The following DLGAP4 variants were observed in gnomAD, a reference collection of about 807,000 sequenced individuals.
The protein encoded by DLGAP4 is DLG associated protein 4, also known as disks large-associated protein 4.
DLGAP4 carries 18 observed loss-of-function variants against 86.9 expected under a neutral mutation model. The observed-to-expected ratio is 0.21, with a 90% CI of 0.14 to 0.31. The LOEUF is 0.31. Ranked by LOEUF, DLGAP4 falls within the 10% of genes least tolerant of loss-of-function variation. The pLI is 1.00. For synonymous variants in DLGAP4, 548 were observed against 574.3 expected (o/e 0.95, Z 0.65); for missense variants, 1,085 against 1,362.6 (o/e 0.80, Z 3.21).
chr20:36,459,630 G>A (rs910925876), intron 7 of DLGAP4, among the ~76,000 whole-genome samples: 3 of 152,056 alleles, frequency 2.0e-5, no homozygotes, highest in Non-Finnish European at 2.9e-5. Context: ...TTTTTGAAAC[G>A]GAGTTTCGCT....
chr20:36,405,529 C>T (rs1376776448), intron 2 of DLGAP4, among the ~76,000 whole-genome samples: 1 of 152,092 alleles, frequency 6.6e-6, no homozygotes, highest in African/African-American at 2.4e-5. Context: ...CATGGGGCGC[C>T]TCGGTGGGAG....
intron 10 of DLGAP4, among the ~76,000 whole-genome samples, chr20:36,511,483 C>T (rs1600687552): frequency 6.6e-6 from 1 of 152,134 alleles, no homozygotes; most frequent in African/African-American, 2.4e-5. Flanking sequence ...GGATTACACC[C>T]ATGAGCCACT....
At chr20:36,442,959 C>T (rs565156599) in intron 6 of DLGAP4, among the ~76,000 whole-genome samples, 182 bp downstream of exon 6, 1 of 152,206 alleles carries the variant, frequency 6.6e-6, no homozygotes. Flanking sequence ...CCACTCCCTA[C>T]CCTTATTGCT....
At chr20:36,328,323 T>C (rs2065236295) in intron 1 of DLGAP4, among the ~76,000 whole-genome samples, 1 of 152,184 alleles carries the variant, frequency 6.6e-6, no homozygotes, top group Admixed American at 6.5e-5. Context: ...TGGGCATCTT[T>C]TGTGCTGAGT....
chr20:36,410,789 C>G (rs565873328), intron 2 of DLGAP4, among the ~76,000 whole-genome samples: 2 of 152,102 alleles, frequency 1.3e-5, no homozygotes, highest in Non-Finnish European at 2.9e-5. Context: ...AACCCCACCT[C>G]CAACACAGGG....
chr20:36,418,152 C>T (rs914779111), intron 2 of DLGAP4, among the ~76,000 whole-genome samples: 5 of 151,644 alleles, frequency 3.3e-5, no homozygotes, highest in African/African-American at 1.2e-4. Context: ...TCGCTCTTGC[C>T]GTCCAGGCTG....
chr20:36,407,774 C>A (rs560684223), intron 2 of DLGAP4, among the ~76,000 whole-genome samples: 2 of 152,218 alleles, frequency 1.3e-5, no homozygotes, highest in South Asian at 4.1e-4. Flanking sequence ...AACACACAAA[C>A]AGCCTGGAGG....
chr20:36,457,846 C>T (rs532021506), intron 7 of DLGAP4, among the ~76,000 whole-genome samples: 1 of 151,702 alleles, frequency 6.6e-6, no homozygotes, highest in South Asian at 2.1e-4. Context: ...CCATGTTGGC[C>T]AGGCTGGTCT....
rs554073774 is a variant in DLGAP4 at position 36,385,688 on chromosome 20, T to C, written c.-73+18413T>C. 3.9e-4 allele frequency among the ~76,000 whole-genome samples: 59 copies of C among 152,328 alleles called. 1 individual carries two copies. Among genetic ancestry groups the C allele is most frequent in the African/African-American group, 1.4e-3 (58 of 41,578 alleles). On this transcript the variant is annotated intron_variant, in intron 2 of 12. Coordinates refer to ENST00000339266, the MANE Select transcript of DLGAP4 (RefSeq NM_001365621.2). ...GCTGTTCCTCCACCAGCCTCCCTAA[T>C]GGCTCCAAGCTGCATACGCCTCATG...
intron 1 of DLGAP4, among the ~76,000 whole-genome samples, chr20:36,309,172 G>A (rs938881681): frequency 4.6e-5 from 7 of 152,098 alleles, no homozygotes; most frequent in African/African-American, 1.7e-4. Flanking sequence ...CTTAAGCATC[G>A]CTTCCAAAAG....
chr20:36,447,639 G>C (rs6019700), intron 7 of DLGAP4, among the ~76,000 whole-genome samples: 2 of 151,914 alleles, frequency 1.3e-5, no homozygotes, highest in Non-Finnish European at 2.9e-5. Flanking sequence ...CAGGCTGGTC[G>C]TGAACTTCTG....
At chr20:36,485,998 G>A (rs1170540314) in intron 7 of DLGAP4, among the ~76,000 whole-genome samples, 2 of 152,172 alleles carry the variant, frequency 1.3e-5, no homozygotes, top group Non-Finnish European at 2.9e-5. Flanking sequence ...TGTGTGTGGT[G>A]GGGCGTGATC....
intron 1 of DLGAP4, among the ~76,000 whole-genome samples, chr20:36,355,713 G>A (rs1288839258): frequency 6.6e-6 from 1 of 152,180 alleles, no homozygotes; most frequent in East Asian, 1.9e-4. Context: ...CTGTTTGCTG[G>A]TCAATGGGCA....
In DLGAP4 at chr20:36,497,246, T is replaced by C. The variant is rs2035928593; in HGVS notation, c.2010+180T>C. ...CCCATAGCCACGCCTCGCTGGTATC[T>C]GTCCACACGTGCTGCTGGTCAGCAG... On this transcript the variant is annotated intron_variant, in intron 8 of 12. Transcript: ENST00000339266. The C allele has an allele frequency of 3.0e-6, 3 of 985,310 alleles. No individual in the cohort carries two copies. The South Asian group carries it at 1.4e-4, about 46-fold the overall frequency. 61.0% of individuals were successfully genotyped at this position (985,310 alleles called of 1,614,324 possible). A position where few individuals can be genotyped will look rare whatever the true frequency, so the allele number is the denominator to read the frequency against.
At chr20:36,523,307 TTAAAAC>T (rs2037494442) in intron 10 of DLGAP4, among the ~76,000 whole-genome samples, 1 of 152,136 alleles carries the variant, frequency 6.6e-6, no homozygotes, top group African/African-American at 2.4e-5. Flanking sequence ...TGCCAGCACT[TTAAAAC>T]TAGAAGTCAT....
intron 1 of DLGAP4, among the ~76,000 whole-genome samples, chr20:36,348,645 C>A (rs1244601886): frequency 6.6e-6 from 1 of 151,964 alleles, no homozygotes; most frequent in Non-Finnish European, 1.5e-5. Context: ...TCTTGAACTC[C>A]TGACCTTGTG....
At chr20:36,440,018 G>A (rs1043330223) in intron 5 of DLGAP4, 150 bp downstream of exon 5, 4 of 701,196 alleles carry the variant, frequency 5.7e-6, no homozygotes, top group Non-Finnish European at 9.8e-6. Flanking sequence ...GAAGCCTCCT[G>A]TGTGTGTCTC....
intron 1 of DLGAP4, among the ~76,000 whole-genome samples, chr20:36,342,281 C>A (rs2065391164): frequency 6.6e-6 from 1 of 152,210 alleles, no homozygotes; most frequent in Non-Finnish European, 1.5e-5. Context: ...CATCCCACTG[C>A]AAGAACCTGG....
At chr20:36,454,417 T>C (rs1241135933) in intron 7 of DLGAP4, among the ~76,000 whole-genome samples, 1 of 152,064 alleles carries the variant, frequency 6.6e-6, no homozygotes, top group Admixed American at 6.6e-5. Flanking sequence ...TATGTCTATG[T>C]GGTGAATGGC....
Sources: allele counts gnomAD v4.1 joint callset (sites outside exome capture counted in the v4.1 genomes callset), GRCh38; gene constraint gnomAD v4.1.1; transcripts MANE v1.5; gene names NCBI Gene and HGNC (gene_info 2026-07-23, HGNC 2026-07-21).